NEK10: variants seen among roughly 807,000 people sequenced by gnomAD.
NEK10 encodes the protein serine/threonine-protein kinase Nek10.
In NEK10, 122 loss-of-function variants were observed where a neutral mutation model predicts 159.8. The ratio of observed to expected loss-of-function variants is 0.76; its 90% CI spans 0.66 to 0.89. The LOEUF is 0.89. Among genes scored for constraint, NEK10 ranks in the 40% least tolerant of loss-of-function variants. The pLI is 0.00. For synonymous variants in NEK10, 466 were observed against 457.1 expected (o/e 1.02, Z -0.25); for missense variants, 1,342 against 1,323.1 (o/e 1.01, Z -0.22).
At chr3:27,225,024 G>A (rs578014524) in intron 23 of NEK10, among the ~76,000 whole-genome samples, 1 of 152,304 alleles carries the variant, frequency 6.6e-6, no homozygotes, top group South Asian at 2.1e-4. Flanking sequence ...TGTATATAAA[G>A]GGGAGTTTAT....
At position 27,258,306 on chromosome 3, in the gene NEK10, G is replaced by C. The variant is rs994847560; in HGVS notation, c.2015-1935C>G. On this transcript the variant is annotated intron_variant, in intron 22 of 35. Transcript: ENST00000691995. ...ACATATGTATACATGTGCCATGTTG[G>C]TGTGCTGCACCCAGTAACTCGTCAT... is the stretch of plus-strand genomic sequence containing the variant. Among the ~76,000 whole-genome samples the C allele has an allele frequency of 2.0e-5, 3 of 151,758 alleles. No individual in the cohort carries two copies. In the South Asian group the frequency reaches 6.2e-4, roughly 32 times the overall value.
chr3:27,172,855 G>A (rs574124269), intron 28 of NEK10, among the ~76,000 whole-genome samples: 2 of 152,064 alleles, frequency 1.3e-5, no homozygotes, highest in Admixed American at 6.6e-5. Context: ...CTCTCATATT[G>A]TTCTAAAGTC....
chr3:27,330,403 C>T (rs757061612), intron 5 of NEK10, among the ~76,000 whole-genome samples: 2 of 152,058 alleles, frequency 1.3e-5, no homozygotes, highest in Non-Finnish European at 2.9e-5. Flanking sequence ...AATGATCCAG[C>T]TGTTTAAAAA....
intron 22 of NEK10, among the ~76,000 whole-genome samples, chr3:27,276,194 G>C (rs959729355): frequency 6.6e-6 from 1 of 151,928 alleles, no homozygotes; most frequent in African/African-American, 2.4e-5. Flanking sequence ...AGTGCTATCA[G>C]AGAAAGAAGG....
intron 22 of NEK10, among the ~76,000 whole-genome samples, chr3:27,262,380 C>A (rs1314585847): frequency 6.6e-6 from 1 of 152,128 alleles, no homozygotes; most frequent in Admixed American, 6.6e-5. Context: ...TGTTGGCCTG[C>A]CTTGCTAGAT....
chr3:27,121,190 C>T (rs1013439581), intron 32 of NEK10, among the ~76,000 whole-genome samples: 5 of 151,756 alleles, frequency 3.3e-5, no homozygotes, highest in Admixed American at 6.6e-5. Context: ...CCCAATTGTC[C>T]GTGGAGAAAA....
intron 22 of NEK10, among the ~76,000 whole-genome samples, chr3:27,271,312 T>C (rs2041341023): frequency 6.6e-6 from 1 of 152,162 alleles, no homozygotes; most frequent in Admixed American, 6.5e-5. Flanking sequence ...GATGGCTTGC[T>C]ATCTTTCCCC....
intron 30 of NEK10, chr3:27,162,475 T>A: frequency 1.2e-6 from 2 of 1,614,108 alleles, no homozygotes; most frequent in Non-Finnish European, 1.7e-6. Context: ...ATCTTTGAGA[T>A]TTCGAAGAAT....
intron 5 of NEK10, among the ~76,000 whole-genome samples, chr3:27,327,458 G>T (rs1352864801): frequency 6.6e-6 from 1 of 152,116 alleles, no homozygotes; most frequent in Non-Finnish European, 1.5e-5. Flanking sequence ...CCCTGTCCGT[G>T]ACCACCTGCC....
chr3:27,226,678 TA>T (rs1436100331), intron 23 of NEK10, among the ~76,000 whole-genome samples: 2 of 152,126 alleles, frequency 1.3e-5, no homozygotes, highest in Non-Finnish European at 2.9e-5. Context: ...TTATAAATCT[TA>T]AAAGAAAACA....
chr3:27,117,215 T>C (rs532208973), intron 33 of NEK10, among the ~76,000 whole-genome samples: 1 of 152,358 alleles, frequency 6.6e-6, no homozygotes, highest in South Asian at 2.1e-4. Context: ...ATTTTCTTTA[T>C]CCAGTCTATC....
At chr3:27,301,612 T>TTAAC (rs1430538672) in intron 13 of NEK10, 84 bp downstream of exon 13, 1 of 1,126,816 alleles carries the variant, frequency 8.9e-7, no homozygotes. Flanking sequence ...TTTTGCCTAC[T>TTAAC]TAACACTACT....
intron 1 of NEK10, among the ~76,000 whole-genome samples, chr3:27,362,211 C>G (rs550526842): frequency 2.0e-5 from 3 of 152,220 alleles, no homozygotes; most frequent in Admixed American, 1.3e-4. Context: ...GGGATGCAGG[C>G]AAGATGCTGA....
At chr3:27,258,630 T>G (rs1280880320) in intron 22 of NEK10, among the ~76,000 whole-genome samples, 1 of 152,200 alleles carries the variant, frequency 6.6e-6, no homozygotes, top group Admixed American at 6.5e-5. Flanking sequence ...GTTGGACATT[T>G]GGGTTGGTTC....
At position 27,180,445 on chromosome 3, in the gene NEK10, G is replaced by GGGGAA. The variant is rs1244936495; in HGVS notation, c.2506-5617_2506-5613dup. Among the ~76,000 whole-genome samples, 10 of 150,846 alleles carry GGGGAA rather than the reference G, an allele frequency of 6.6e-5. No homozygotes were observed. In the South Asian group the frequency reaches 8.4e-4, roughly 13 times the overall value. On this transcript the variant is annotated intron_variant, in intron 26 of 35. Transcript: ENST00000691995. ...GGGGAGGGGAGGGGAGGGGAAGGGA[G>GGGGAA]GGGAAGGGAAGGGAAGGGAAGGAAC... is the stretch of plus-strand genomic sequence containing the variant.
intron 23 of NEK10, among the ~76,000 whole-genome samples, chr3:27,239,159 T>G (rs1356765673): frequency 6.6e-6 from 1 of 152,002 alleles, no homozygotes; most frequent in African/African-American, 2.4e-5. Context: ...ATTCTCACAA[T>G]TGGCTAAAAT....
chr3:27,323,986 C>T (rs182224232), intron 5 of NEK10, among the ~76,000 whole-genome samples: 100 of 152,258 alleles, frequency 6.6e-4, no homozygotes, highest in African/African-American at 2.3e-3. Context: ...TTTTAGGCAC[C>T]TCTCACTTAG....
At chr3:27,143,036 G>A (rs568456469) in intron 30 of NEK10, among the ~76,000 whole-genome samples, 1 of 152,258 alleles carries the variant, frequency 6.6e-6, no homozygotes, top group South Asian at 2.1e-4. Context: ...AATGTAAAGA[G>A]GCAAATAGAA....
chr3:27,329,316 C>T (rs572618306), intron 5 of NEK10, among the ~76,000 whole-genome samples: 10 of 152,224 alleles, frequency 6.6e-5, no homozygotes, highest in South Asian at 2.1e-4. Flanking sequence ...TCTTTATTAG[C>T]GACGTGAAAA....
Sources: allele counts gnomAD v4.1 joint callset (sites outside exome capture counted in the v4.1 genomes callset), GRCh38; gene constraint gnomAD v4.1.1; transcripts MANE v1.5; gene names NCBI Gene and HGNC (gene_info 2026-07-23, HGNC 2026-07-21).